Variants in RIF1 observed in about 807,000 individuals in gnomAD.
The protein encoded by RIF1 is replication timing regulatory factor 1.
Under a neutral mutation model 247.1 loss-of-function variants are expected in RIF1, and 45 were observed. That is an observed-to-expected ratio of 0.18 (90% CI 0.14 to 0.23). The LOEUF (loss-of-function observed/expected upper bound fraction) is 0.23, where lower values mean the gene tolerates loss of function less well. RIF1 is among the 10% of genes least tolerant of loss of function. The probability of loss-of-function intolerance (pLI) is 1.00; values close to 1 mark genes in which losing one functional copy is unlikely to be tolerated. For missense variants in RIF1, 2,967 were observed against 2,862.5 expected, an observed-to-expected ratio of 1.04 and a Z score of -0.83; for synonymous variants, 1,087 against 978.8, an observed-to-expected ratio of 1.11 and a Z score of -2.06.
chr2:151,414,057 A>G (rs1686752736), intron 3 of RIF1, among the ~76,000 whole-genome samples: 1 of 152,190 alleles, frequency 6.6e-6, no homozygotes, highest in Non-Finnish European at 1.5e-5. Flanking sequence ...CACGCCTGTA[A>G]TCCCAGCACT....
intron 6 of RIF1, 133 bp downstream of exon 6, chr2:151,417,034 C>A: frequency 1.6e-6 from 1 of 640,132 alleles, no homozygotes; most frequent in Non-Finnish European, 2.7e-6. Context: ...GACTCAAGGA[C>A]AAAAAGTAAT....
intron 9 of RIF1, chr2:151,491,845 A>C: frequency 7.9e-7 from 1 of 1,259,336 alleles, no homozygotes; most frequent in South Asian, 1.4e-5. Flanking sequence ...CCAAGGCATG[A>C]ATTTTAACAA....
rs1488747769 is a variant in RIF1, at chr2:151,464,612, T to C, written c.5092T>C (p.Ser1698Pro). 1.9e-6 allele frequency: 3 copies of C among 1,613,596 alleles called. No homozygotes were observed. The highest frequency in any genetic ancestry group is 3.3e-5 in the Admixed American group (2 of 59,962). The change falls in exon 30 of 36, where the codon TCA becomes CCA. Residue 1698 changes from serine to proline, a missense_variant. Ser to Pro is a moderately conservative substitution (Grantham distance 74, BLOSUM62 -1). Coordinates refer to ENST00000444746, the MANE Select transcript of RIF1 (RefSeq NM_018151.5). Reference protein sequence around the residue: ...SFDNCSLGESSKIGISDISSL... With the variant: ...SFDNCSLGESPKIGISDISSL... ...TGATAATTGTAGTTTGGGAGAATCC[T>C]CAAAAATAGGGATATCAGATATTTC...
chr2:151,451,133 A>G (rs1400401345), intron 20 of RIF1, among the ~76,000 whole-genome samples: 2 of 152,222 alleles, frequency 1.3e-5, no homozygotes, highest in Non-Finnish European at 2.9e-5. Flanking sequence ...CATGCGCCTC[A>G]TAACAATGTG....
intron 20 of RIF1, among the ~76,000 whole-genome samples, chr2:151,449,595 G>A (rs138031376): frequency 6.6e-6 from 1 of 152,250 alleles, no homozygotes; most frequent in Non-Finnish European, 1.5e-5. Context: ...TGGACTACGT[G>A]ATGCCAAGCC....
chr2:151,488,677 C>A (rs914061018), intron 9 of RIF1, among the ~76,000 whole-genome samples: 24 of 151,888 alleles, frequency 1.6e-4, no homozygotes, highest in East Asian at 5.8e-4. Context: ...CTGTATTATT[C>A]TTTGTACTTC....
intron 20 of RIF1, 123 bp from the exon 21 acceptor site, chr2:151,451,483 T>C (rs1694309536): frequency 1.6e-6 from 1 of 632,538 alleles, no homozygotes; most frequent in African/African-American, 1.8e-5. Flanking sequence ...TACTGTAAGC[T>C]GTGGCATGTG....
chr2:151,519,142 G>A, the RIF1 span: 1 of 924,598 alleles, frequency 1.1e-6, no homozygotes, highest in Non-Finnish European at 1.7e-6. Flanking sequence ...ATCAAAGTGA[G>A]ATAGCCCATC....
intron 34 of RIF1, 34 bp from the exon 35 acceptor site, chr2:151,473,926 GTTGT>G: frequency 1.0e-6 from 1 of 996,096 alleles, no homozygotes; most frequent in Non-Finnish European, 1.6e-6. Flanking sequence ...TGTTGTTGTT[GTTGT>G]TTTGCGTTTT....
At chr2:151,419,507 G>A (rs576286097) in intron 6 of RIF1, among the ~76,000 whole-genome samples, 1 of 151,848 alleles carries the variant, frequency 6.6e-6, no homozygotes, top group Non-Finnish European at 1.5e-5. Context: ...TGTATTTTTA[G>A]AAGAGACAGG....
At chr2:151,509,704 T>C (rs1283493648), downstream of RIF1, among the ~76,000 whole-genome samples, 1 of 152,118 alleles carries the variant, frequency 6.6e-6, no homozygotes, top group Admixed American at 6.5e-5. Flanking sequence ...CTTGGCTCAC[T>C]GCAACCTCTG....
In RIF1 at chr2:151,456,769, G is replaced by A. The variant is rs567495144; in HGVS notation, c.2652+149G>A. 3.7e-5 allele frequency: 19 copies of A among 512,032 alleles called. No individual in the cohort carries two copies. In the East Asian group the frequency reaches 6.7e-4, roughly 18 times the overall value. The allele number at this position is 512,032 out of a possible 1,614,324, so 31.7% of individuals were successfully genotyped here. A position where few individuals can be genotyped will look rare whatever the true frequency, so the allele number is the denominator to read the frequency against. ...TTCCTGGAGACAGCATTTTGCTCTT[G>A]TCACCCAAGCTGGAGTGCAGTGGCA... is the stretch of plus-strand genomic sequence containing the variant. On this transcript the variant is annotated intron_variant, in intron 23 of 35. Transcript: ENST00000444746.
At chr2:151,439,972 C>CAAAAAAA (rs1165450117) in intron 14 of RIF1, 55 bp from the exon 15 acceptor site, 14,524 of 274,534 alleles carry the variant, frequency 0.053, 1,203 homozygotes, top group Non-Finnish European at 0.067. Context: ...GACCCTGTCT[C>CAAAAAAA]AAAAAAAAAA....
chr2:151,473,897 T>C, intron 34 of RIF1, 67 bp from the exon 35 acceptor site: 1 of 838,646 alleles, frequency 1.2e-6, no homozygotes, highest in Non-Finnish European at 2.1e-6. Flanking sequence ...TTACTCCTAT[T>C]AAAAGTAAAG....
intron 21 of RIF1, among the ~76,000 whole-genome samples, chr2:151,452,190 TGAAACATGGTAATTAA>T (rs1318197985): frequency 6.6e-6 from 1 of 152,226 alleles, no homozygotes; most frequent in African/African-American, 2.4e-5. Flanking sequence ...ATCGTTTACC[TGAAACATGGTAATTAA>T]ATGATTAAAA....
intron 13 of RIF1, among the ~76,000 whole-genome samples, chr2:151,438,322 A>C (rs1327499810): frequency 4.6e-5 from 7 of 152,058 alleles, no homozygotes; most frequent in Admixed American, 3.3e-4. Context: ...TTTACAAAAA[A>C]AAATAATTAG....
chr2:151,478,832 T>G lies in RIF1; in HGVS notation c.*3761T>G, dbSNP rs1279403166. 6.6e-6 allele frequency: 1 copy of G among 152,176 alleles called. No homozygotes were observed. Among genetic ancestry groups the G allele is most frequent in the East Asian group, 1.9e-4 (1 of 5,198 alleles). 9.4% of individuals were successfully genotyped at this position (152,176 alleles called of 1,614,324 possible). A position where few individuals can be genotyped will look rare whatever the true frequency, so the allele number is the denominator to read the frequency against. ...CAAGAAGTTAATTTGTCATTCAGCC[T>G]AGGAGGCTATAAAACAGCAGTTAGT... On this transcript the variant is annotated 3_prime_UTR_variant, in exon 36 of 36. Coordinates refer to ENST00000444746, the MANE Select transcript of RIF1 (RefSeq NM_018151.5).
Position 151,438,688 on chromosome 2 carries a change from GGTT to G in RIF1, c.1491_1493del (p.Val498del). On this transcript the variant is annotated inframe_deletion, in exon 14 of 36. Transcript: ENST00000444746. The stretch of plus-strand genomic sequence containing the variant: ...CAAGTTTATTTTGTTTGACAGATGT[GGTT>G]GTCAGTGCTATCTGGAAGGAGCTAA... The G allele has an allele frequency of 2.5e-6, 4 of 1,610,478 alleles. No individual in the cohort carries two copies. Among genetic ancestry groups the G allele is most frequent in the Non-Finnish European group, 3.4e-6 (4 of 1,176,788 alleles).
the RIF1 span, chr2:151,529,443 C>G: frequency 1.5e-6 from 1 of 670,022 alleles, no homozygotes; most frequent in African/African-American, 1.8e-5. Flanking sequence ...TTTTAAAAAT[C>G]TGCTGTGGAG....
Sources: allele counts gnomAD v4.1 joint callset (sites outside exome capture counted in the v4.1 genomes callset), GRCh38; gene constraint gnomAD v4.1.1; transcripts MANE v1.5; gene names NCBI Gene and HGNC (gene_info 2026-07-23, HGNC 2026-07-21).